SLC2A9: variants seen among roughly 807,000 people sequenced by gnomAD.
SLC2A9 encodes solute carrier family 2 member 9, also known as solute carrier family 2, facilitated glucose transporter member 9.
SLC2A9 carries 39 observed loss-of-function variants against 50.6 expected under a neutral mutation model. The observed-to-expected ratio is 0.77, with a 90% CI of 0.60 to 1.01. SLC2A9 has a LOEUF of 1.01. SLC2A9 is among the 50% of genes least tolerant of loss of function. The probability of loss-of-function intolerance (pLI) is 0.00; values close to 1 mark genes in which losing one functional copy is unlikely to be tolerated. For synonymous variants in SLC2A9, 324 were observed against 276.9 expected (o/e 1.17, Z -1.69); for missense variants, 686 against 677.6 (o/e 1.01, Z -0.14).
At chr4:9,810,748 G>A (rs963914594) in intron 3 of SLC2A9, among the ~76,000 whole-genome samples, 8 of 152,232 alleles carry the variant, frequency 5.3e-5, no homozygotes, top group Non-Finnish European at 1.0e-4. Context: ...CATTTCTGGC[G>A]GTTGGCTTGG....
At chr4:9,852,573 A>C (rs2109325705) in intron 10 of SLC2A9, among the ~76,000 whole-genome samples, 1 of 152,356 alleles carries the variant, frequency 6.6e-6, no homozygotes, top group South Asian at 2.1e-4. Context: ...TAAAGAAAAG[A>C]AATTCCAATC....
At chr4:9,818,817 C>T (rs369796563) in intron 3 of SLC2A9, among the ~76,000 whole-genome samples, 1 of 152,130 alleles carries the variant, frequency 6.6e-6, no homozygotes, top group African/African-American at 2.4e-5. Context: ...GGGATGGGGG[C>T]AGGTGAAAAG....
intron 5 of SLC2A9, among the ~76,000 whole-genome samples, chr4:9,976,796 C>T (rs1423022799): frequency 6.6e-6 from 1 of 152,198 alleles, no homozygotes; most frequent in Non-Finnish European, 1.5e-5. Flanking sequence ...AATCTAGGTA[C>T]CCAGGTCCTC....
intron 5 of SLC2A9, among the ~76,000 whole-genome samples, chr4:9,977,149 G>T (rs2109055632): frequency 6.6e-6 from 1 of 152,258 alleles, no homozygotes; most frequent in South Asian, 2.1e-4. Flanking sequence ...AAGCCTTCTT[G>T]AAGCACTCAT....
intron 3 of SLC2A9, among the ~76,000 whole-genome samples, chr4:9,817,369 C>T (rs1302300987): frequency 6.6e-6 from 1 of 152,324 alleles, no homozygotes; most frequent in Non-Finnish European, 1.5e-5. Context: ...TGTCAGGCAC[C>T]TTCTACGTAT....
chr4:9,823,445 A>T (rs2109058476), downstream of SLC2A9, among the ~76,000 whole-genome samples: 1 of 152,256 alleles, frequency 6.6e-6, no homozygotes, highest in East Asian at 1.9e-4. Flanking sequence ...TTTTTGTGTC[A>T]CATGTATTTT....
chr4:9,824,923 G>A (rs929583000), downstream of SLC2A9, among the ~76,000 whole-genome samples: 5 of 152,162 alleles, frequency 3.3e-5, no homozygotes, highest in Admixed American at 3.3e-4. Flanking sequence ...ATGGCATAGT[G>A]CATTGAGTTG....
intron 3 of SLC2A9, among the ~76,000 whole-genome samples, chr4:9,803,706 T>C (rs58952328): frequency 0.016 from 2,503 of 152,342 alleles, 76 homozygotes; most frequent in African/African-American, 0.057. Context: ...CTGGTCTGCC[T>C]ACCCCATAGA....
intron 10 of SLC2A9, among the ~76,000 whole-genome samples, chr4:9,841,859 AG>A (rs1161271151): frequency 6.6e-6 from 1 of 152,142 alleles, no homozygotes. Flanking sequence ...TTTGGGGGGA[AG>A]GTATCTTCTT....
intron 3 of SLC2A9, among the ~76,000 whole-genome samples, chr4:9,819,129 A>G (rs1724049165): frequency 6.6e-6 from 1 of 151,618 alleles, no homozygotes; most frequent in Non-Finnish European, 1.5e-5. Flanking sequence ...AAAAAAAAAA[A>G]AAAAAAAAAA....
chr4:9,824,344 C>T (rs1052846422), downstream of SLC2A9, among the ~76,000 whole-genome samples: 2 of 152,060 alleles, frequency 1.3e-5, no homozygotes, highest in Non-Finnish European at 2.9e-5. Flanking sequence ...CTATAAATTA[C>T]CCAGTTTCAG....
intron 3 of SLC2A9, among the ~76,000 whole-genome samples, chr4:9,817,928 C>G (rs111528801): frequency 2.6e-5 from 4 of 152,310 alleles, no homozygotes; most frequent in African/African-American, 7.2e-5. Flanking sequence ...TGGTGTTTGG[C>G]AGGGCAATTG....
chr4:9,910,371 C>T (rs1741492659), intron 7 of SLC2A9, among the ~76,000 whole-genome samples: 3 of 152,198 alleles, frequency 2.0e-5, no homozygotes, highest in Admixed American at 2.0e-4. Flanking sequence ...CCTGAAAACT[C>T]TATGTCCATT....
rs993048899 is a variant in SLC2A9 at position 9,951,283 on chromosome 4, T to A, written c.682-9238A>T. 2.0e-5 allele frequency among the ~76,000 whole-genome samples: 3 copies of A among 151,328 alleles called. No individual in the cohort carries two copies. In the South Asian group the frequency reaches 6.3e-4, roughly 32 times the overall value. The stretch of plus-strand genomic sequence containing the variant: ...TTCTCTCTCACTTATATGTGGAAGC[T>A]AAAAAATTTGATCATATGGATGTGG... On this transcript the variant is annotated intron_variant, in intron 5 of 11. Coordinates refer to ENST00000264784, the MANE Select transcript of SLC2A9 (RefSeq NM_020041.3).
chr4:9,783,011 G>C, intron 3 of SLC2A9: 1 of 1,614,206 alleles, frequency 6.2e-7, no homozygotes, highest in Non-Finnish European at 8.5e-7. Context: ...ACACCCCGAA[G>C]GCCCTCCGGC....
At chr4:9,808,658 C>A (rs993392343) in intron 3 of SLC2A9, among the ~76,000 whole-genome samples, 1 of 152,140 alleles carries the variant, frequency 6.6e-6, no homozygotes, top group Non-Finnish European at 1.5e-5. Context: ...CATCTTGCAC[C>A]CACAGATAAA....
chr4:9,784,016 G>A (rs1718883581), intron 3 of SLC2A9: 1 of 167,452 alleles, frequency 6.0e-6, no homozygotes. Flanking sequence ...TGTATTATGG[G>A]GTGACTATCT....
intron 10 of SLC2A9, among the ~76,000 whole-genome samples, chr4:9,837,937 T>C (rs908009278): frequency 7.9e-5 from 12 of 152,182 alleles, no homozygotes; most frequent in African/African-American, 2.2e-4. Context: ...CAGGTTTAAG[T>C]CCTATCTCAG....
At chr4:9,774,286 T>C (rs1015629887) in intron 1 of SLC2A9, among the ~76,000 whole-genome samples, 7 of 152,026 alleles carry the variant, frequency 4.6e-5, no homozygotes, top group Non-Finnish European at 7.4e-5. Flanking sequence ...AGCCACCACA[T>C]CTGGCCAAAA....
Sources: gnomAD v4.1 joint callset for allele counts (sites outside exome capture counted in the v4.1 genomes callset) on GRCh38, gnomAD v4.1.1 for gene constraint, MANE v1.5 for transcripts, NCBI Gene and HGNC (gene_info 2026-07-23, HGNC 2026-07-21) for gene names.